KDM4C: variants seen among roughly 807,000 people sequenced by gnomAD.
The protein encoded by KDM4C is lysine demethylase 4C, also known as lysine-specific demethylase 4C.
A neutral mutation model predicts 129.3 loss-of-function variants in KDM4C; 81 were observed. That is an observed-to-expected ratio of 0.63 (90% CI 0.52 to 0.75). The LOEUF (loss-of-function observed/expected upper bound fraction) is 0.75, where lower values mean the gene tolerates loss of function less well. Ranked by LOEUF, KDM4C falls within the 30% of genes least tolerant of loss-of-function variation. The pLI is 0.00. For synonymous variants in KDM4C, 573 were observed against 456.1 expected (o/e 1.26, Z -3.26); for missense variants, 1,457 against 1,304.0 (o/e 1.12, Z -1.81).
intron 1 of KDM4C, among the ~76,000 whole-genome samples, chr9:6,731,420 A>T (rs1817331593): frequency 7.2e-6 from 1 of 138,396 alleles, no homozygotes; most frequent in African/African-American, 2.7e-5. Flanking sequence ...TCCACCTCCC[A>T]GGTTCAAGCA....
chr9:6,931,785 G>T (rs1040489882), intron 8 of KDM4C, among the ~76,000 whole-genome samples: 6 of 152,168 alleles, frequency 3.9e-5, no homozygotes, highest in African/African-American at 1.4e-4. Flanking sequence ...ACAGGCATGA[G>T]CCACCATCCT....
At chr9:6,789,539 A>T (rs983242647) in intron 1 of KDM4C, among the ~76,000 whole-genome samples, 1 of 148,020 alleles carries the variant, frequency 6.8e-6, no homozygotes, top group African/African-American at 2.5e-5. Context: ...AAATTTTTAT[A>T]TTTTTTTTTA....
At chr9:6,744,355 C>A (rs1021007576) in intron 1 of KDM4C, among the ~76,000 whole-genome samples, 1 of 152,028 alleles carries the variant, frequency 6.6e-6, no homozygotes, top group African/African-American at 2.4e-5. Flanking sequence ...GAAACCGCAT[C>A]TCTACTAAAA....
At chr9:6,785,324 T>A (rs1410879589) in intron 1 of KDM4C, among the ~76,000 whole-genome samples, 1 of 149,758 alleles carries the variant, frequency 6.7e-6, no homozygotes, top group African/African-American at 2.5e-5. Flanking sequence ...CCTGTGTCTG[T>A]CTCTTCTCCT....
At chr9:7,083,988 A>G (rs1482045814) in intron 17 of KDM4C, among the ~76,000 whole-genome samples, 1 of 152,184 alleles carries the variant, frequency 6.6e-6, no homozygotes, top group Non-Finnish European at 1.5e-5. Flanking sequence ...GAGTTACTCA[A>G]ATTATCATCT....
At chr9:6,780,212 A>C (rs980143014) in intron 1 of KDM4C, among the ~76,000 whole-genome samples, 1 of 152,164 alleles carries the variant, frequency 6.6e-6, no homozygotes, top group African/African-American at 2.4e-5. Context: ...TGTAAGTATG[A>C]GATATAATTA....
chr9:7,139,521 G>A (rs893223485), intron 19 of KDM4C, among the ~76,000 whole-genome samples: 3 of 152,154 alleles, frequency 2.0e-5, no homozygotes, highest in Admixed American at 6.5e-5. Context: ...GGATGTGAGT[G>A]CCATTGATAT....
rs1838465530 is a variant in KDM4C, at chr9:6,849,626, C to T, written c.555C>T (p.Thr185=). 6 of 1,613,408 alleles carry T rather than the reference C, an allele frequency of 3.7e-6. No homozygotes were observed. The highest frequency in any genetic ancestry group is 5.1e-6 in the Non-Finnish European group (6 of 1,179,626). ...TPYLYFGMWK[T]TFAWHTEDMD... Reference sequence around the variant, plus strand: ...ATCTCTATTTTGGCATGTGGAAGACCACGTTTGCATGGCACACCGAAGACA... The same window carrying T: ...ATCTCTATTTTGGCATGTGGAAGACTACGTTTGCATGGCACACCGAAGACA... Residue 185 remains threonine, a synonymous_variant, in exon 5 of 22, where the codon ACC becomes ACT. Transcript: ENST00000381309.
chr9:6,903,197 C>G (rs1002559557), intron 8 of KDM4C, among the ~76,000 whole-genome samples: 3 of 151,904 alleles, frequency 2.0e-5, no homozygotes, highest in African/African-American at 7.3e-5. Context: ...CAGCATATTC[C>G]CAGTTCTTAG....
intron 19 of KDM4C, among the ~76,000 whole-genome samples, chr9:7,162,508 G>C (rs1176393825): frequency 6.6e-6 from 1 of 152,110 alleles, no homozygotes; most frequent in African/African-American, 2.4e-5. Flanking sequence ...TTTGAAAAAA[G>C]AATTGTCACT....
intron 19 of KDM4C, among the ~76,000 whole-genome samples, chr9:7,161,112 T>C (rs1046601265): frequency 6.6e-6 from 1 of 152,164 alleles, no homozygotes; most frequent in African/African-American, 2.4e-5. Flanking sequence ...TGAGCAAGGC[T>C]CCATGGCCAC....
chr9:7,097,725 A>T (rs576049225), intron 17 of KDM4C, among the ~76,000 whole-genome samples: 1 of 152,066 alleles, frequency 6.6e-6, no homozygotes, highest in East Asian at 1.9e-4. Flanking sequence ...TATCTTTCCT[A>T]TTGTGATTAT....
chr9:7,083,711 A>ATGTGTG (rs142609948), intron 17 of KDM4C, among the ~76,000 whole-genome samples: 26,375 of 143,092 alleles, frequency 0.18, 2,755 homozygotes, highest in East Asian at 0.37. Flanking sequence ...CACATGACTG[A>ATGTGTG]TGTGTGTGTG....
At chr9:7,094,256 G>A (rs956375189) in intron 17 of KDM4C, among the ~76,000 whole-genome samples, 1 of 152,354 alleles carries the variant, frequency 6.6e-6, no homozygotes, top group East Asian at 1.9e-4. Context: ...TGGTGGCAGG[G>A]TTAGGATTCA....
chr9:6,842,343 G>A (rs1837108665), intron 4 of KDM4C, among the ~76,000 whole-genome samples: 2 of 122,828 alleles, frequency 1.6e-5, no homozygotes, highest in African/African-American at 6.5e-5. Flanking sequence ...TTGAGACGGA[G>A]TCTTGCTCTG....
chr9:6,932,198 T>C (rs978686753), intron 8 of KDM4C, among the ~76,000 whole-genome samples: 3 of 152,204 alleles, frequency 2.0e-5, no homozygotes, highest in African/African-American at 7.2e-5. Context: ...AACAGGTGTG[T>C]AGCTCCACAT....
rs533836602 is a variant in KDM4C, at chr9:6,739,048, C to T, written c.49+18051C>T. Reference sequence around the variant, plus strand: ...TGAGCCTCCACATCCGGATTTTTTCCTTTGCAGATCTATATGTAGATATTC... The same window carrying T: ...TGAGCCTCCACATCCGGATTTTTTCTTTTGCAGATCTATATGTAGATATTC... On this transcript the variant is annotated intron_variant, in intron 1 of 17. Coordinates refer to the KDM4C transcript ENST00000536108. Among the ~76,000 whole-genome samples the T allele has an allele frequency of 3.4e-4, 52 of 151,308 alleles. 1 individual carries two copies. In the South Asian group the frequency reaches 8.4e-3, roughly 25 times the overall value.
intron 1 of KDM4C, among the ~76,000 whole-genome samples, chr9:6,724,219 T>C (rs562736728): frequency 4.1e-4 from 62 of 152,314 alleles, no homozygotes; most frequent in Middle Eastern, 3.4e-3. Flanking sequence ...TGACTGACAG[T>C]TACACTGATT....
chr9:7,120,089 T>A (rs369952607), intron 18 of KDM4C, among the ~76,000 whole-genome samples: 2 of 152,194 alleles, frequency 1.3e-5, no homozygotes, highest in East Asian at 3.8e-4. Flanking sequence ...TGGCATTGAT[T>A]GACAGGTTGT....
Sources: gnomAD v4.1 joint callset for allele counts (sites outside exome capture counted in the v4.1 genomes callset) on GRCh38, gnomAD v4.1.1 for gene constraint, MANE v1.5 for transcripts, NCBI Gene and HGNC (gene_info 2026-07-23, HGNC 2026-07-21) for gene names.